The following NLGN1 variants were observed in gnomAD, a reference collection of about 807,000 sequenced individuals.
NLGN1 encodes the protein neuroligin 1.
In NLGN1, 12 loss-of-function variants were observed where a neutral mutation model predicts 65.5. The ratio of observed to expected loss-of-function variants is 0.18; its 90% CI spans 0.12 to 0.30. The LOEUF (loss-of-function observed/expected upper bound fraction) is 0.30, where lower values mean the gene tolerates loss of function less well. Ranked by LOEUF, NLGN1 falls within the 10% of genes least tolerant of loss-of-function variation. The probability of loss-of-function intolerance (pLI) is 1.00; values close to 1 mark genes in which losing one functional copy is unlikely to be tolerated. For synonymous variants in NLGN1, 350 were observed against 359.5 expected (o/e 0.97, Z 0.30); for missense variants, 750 against 1,007.1 (o/e 0.74, Z 3.46).
In NLGN1 at chr3:174,162,863, G is replaced by A. The variant is rs1726801002; in HGVS notation, c.647-112452G>A. ...AGAAAAAAAATCGCTTTAATTCTAT[G>A]GCTACTCTCTGTCAGGCACAGGATT... is the stretch of plus-strand genomic sequence containing the variant. On this transcript the variant is annotated intron_variant, in intron 4 of 6. Coordinates refer to ENST00000457714, the Ensembl canonical transcript of NLGN1. Among the ~76,000 whole-genome samples the A allele has an allele frequency of 3.3e-5, 5 of 151,462 alleles. No homozygotes were observed. The South Asian group carries it at 1.0e-3, about 32-fold the overall frequency.
intron 2 of NLGN1, among the ~76,000 whole-genome samples, chr3:173,582,211 TG>T (rs1746511593): frequency 6.6e-6 from 1 of 152,072 alleles, no homozygotes; most frequent in South Asian, 2.1e-4. Flanking sequence ...TCATTTTTCT[TG>T]TTACCGTTTC....
intron 4 of NLGN1, among the ~76,000 whole-genome samples, chr3:174,108,835 T>G: frequency 6.6e-6 from 1 of 152,088 alleles, no homozygotes; most frequent in African/African-American, 2.4e-5. Flanking sequence ...TGTCATTTCT[T>G]GGGTCTGAGG....
chr3:173,799,180 A>T (rs1411024128), intron 3 of NLGN1, among the ~76,000 whole-genome samples: 1 of 151,288 alleles, frequency 6.6e-6, no homozygotes, highest in Non-Finnish European at 1.5e-5. Flanking sequence ...CTGCTATGTG[A>T]TTGGCTGTCT....
At chr3:173,911,044 T>C (rs1216938543) in intron 4 of NLGN1, among the ~76,000 whole-genome samples, 1 of 152,220 alleles carries the variant, frequency 6.6e-6, no homozygotes, top group Admixed American at 6.5e-5. Flanking sequence ...TGAATATTAC[T>C]AAATGTAGGT....
intron 4 of NLGN1, among the ~76,000 whole-genome samples, chr3:173,882,940 A>G (rs1207127842): frequency 6.8e-6 from 1 of 146,936 alleles, no homozygotes; most frequent in Non-Finnish European, 1.5e-5. Flanking sequence ...TCTTCATTCC[A>G]CTTGAACGCT....
chr3:173,799,863 A>T (rs1715025471), intron 3 of NLGN1, among the ~76,000 whole-genome samples: 1 of 151,930 alleles, frequency 6.6e-6, no homozygotes, highest in South Asian at 2.1e-4. Context: ...GTCTTCTCTA[A>T]GGTTATTATA....
intron 4 of NLGN1, among the ~76,000 whole-genome samples, chr3:174,005,951 T>C (rs1008656747): frequency 6.6e-6 from 1 of 152,180 alleles, no homozygotes; most frequent in Non-Finnish European, 1.5e-5. Flanking sequence ...TTTTCTACTA[T>C]ATTTAAGACC....
intron 2 of NLGN1, among the ~76,000 whole-genome samples, chr3:173,583,679 CTCTT>C (rs1197271011): frequency 2.0e-5 from 3 of 152,188 alleles, no homozygotes; most frequent in African/African-American, 7.2e-5. Context: ...CTTGCATTGA[CTCTT>C]TCTCTGGAGC....
At chr3:173,565,138 T>C (rs926340065) in intron 2 of NLGN1, among the ~76,000 whole-genome samples, 1 of 152,038 alleles carries the variant, frequency 6.6e-6, no homozygotes, top group Non-Finnish European at 1.5e-5. Flanking sequence ...AGTATAAGGT[T>C]GGGAAGAAGC....
chr3:173,682,153 T>C (rs1017524490), intron 3 of NLGN1, among the ~76,000 whole-genome samples: 3 of 152,148 alleles, frequency 2.0e-5, no homozygotes, highest in South Asian at 2.1e-4. Flanking sequence ...GCCCACATCA[T>C]TGAGTTTTGA....
chr3:174,267,665 G>GAT (rs1369394057), intron 4 of NLGN1, among the ~76,000 whole-genome samples: 1 of 152,082 alleles, frequency 6.6e-6, no homozygotes, highest in Admixed American at 6.5e-5. Context: ...CTGCATCTTA[G>GAT]AGTACTTTCC....
intron 3 of NLGN1, among the ~76,000 whole-genome samples, chr3:173,709,597 T>C (rs760406818): frequency 1.2e-4 from 18 of 151,106 alleles, no homozygotes; most frequent in Non-Finnish European, 2.5e-4. Flanking sequence ...AGGTCAGGAG[T>C]TCGAGACCAG....
At position 174,216,928 on chromosome 3, in the gene NLGN1, G is replaced by GA. The variant is rs1249188545; in HGVS notation, c.647-58380dup. Among the ~76,000 whole-genome samples the GA allele has an allele frequency of 2.6e-5, 4 of 151,976 alleles. No homozygotes were observed. The East Asian group carries it at 5.8e-4, about 22-fold the overall frequency. On this transcript the variant is annotated intron_variant, in intron 4 of 6. Transcript: ENST00000457714. The stretch of plus-strand genomic sequence containing the variant: ...ATAATAAACATATGTAAGTTATTCA[G>GA]AAAAAAACATTTGAACAAGTTAGTC...
At chr3:174,136,651 T>G (rs878936634) in intron 4 of NLGN1, 1 of 152,120 alleles carries the variant, frequency 6.6e-6, no homozygotes, top group Non-Finnish European at 1.5e-5. Flanking sequence ...TTACCAAGAA[T>G]AAGCTAGCTC....
intron 3 of NLGN1, among the ~76,000 whole-genome samples, chr3:173,747,059 T>TACACACACACACAC (rs3033827): frequency 8.2e-4 from 107 of 130,396 alleles, no homozygotes; most frequent in African/African-American, 2.9e-3. Flanking sequence ...AAATTATATA[T>TACACACACACACAC]ACACACACAC....
At chr3:173,670,157 C>T (rs1310905784) in intron 3 of NLGN1, among the ~76,000 whole-genome samples, 1 of 152,064 alleles carries the variant, frequency 6.6e-6, no homozygotes, top group East Asian at 1.9e-4. Context: ...TGAAAATTGT[C>T]ATCATTATCC....
At chr3:173,934,120 T>A (rs1160235120) in intron 4 of NLGN1, among the ~76,000 whole-genome samples, 1 of 151,476 alleles carries the variant, frequency 6.6e-6, no homozygotes, top group Non-Finnish European at 1.5e-5. Context: ...TAACTACATG[T>A]AAATGAACTT....
rs185354802 is a variant in NLGN1 at position 173,672,039 on chromosome 3, T to C, written c.493+66948T>C. On this transcript the variant is annotated intron_variant, in intron 3 of 6. Transcript: ENST00000457714. The stretch of plus-strand genomic sequence containing the variant: ...AATACAAAAAATTAGCCGGGCGTGG[T>C]GGCAGATGCCTGTAGTCCCAGCTAC... 1.8e-4 allele frequency among the ~76,000 whole-genome samples: 27 copies of C among 152,212 alleles called. No individual in the cohort carries two copies. The East Asian group carries it at 5.0e-3, about 28-fold the overall frequency.
chr3:174,017,480 G>T (rs1413058275), intron 4 of NLGN1, among the ~76,000 whole-genome samples: 1 of 152,122 alleles, frequency 6.6e-6, no homozygotes, highest in African/African-American at 2.4e-5. Flanking sequence ...TTGGTAGTTT[G>T]TGGTCATTTT....
Sources: gnomAD v4.1 joint callset for allele counts (sites outside exome capture counted in the v4.1 genomes callset) on GRCh38, gnomAD v4.1.1 for gene constraint, MANE v1.5 for transcripts, NCBI Gene and HGNC (gene_info 2026-07-23, HGNC 2026-07-21) for gene names.